SMIM14: variants seen among roughly 807,000 people sequenced by gnomAD.
SMIM14 encodes the protein small integral membrane protein 14, also known as chromosome 4 open reading frame 34.
A neutral mutation model predicts 12.6 loss-of-function variants in SMIM14; 5 were observed. That is an observed-to-expected ratio of 0.40 (90% CI 0.21 to 0.83). The LOEUF is 0.83. SMIM14 is among the 40% of genes least tolerant of loss of function. The pLI is 0.37. For synonymous variants in SMIM14, 30 were observed against 40.1 expected (o/e 0.75, Z 0.95); for missense variants, 86 against 119.1 (o/e 0.72, Z 1.29).
chr4:39,637,527 T>C (rs1716141443), intron 1 of SMIM14, among the ~76,000 whole-genome samples: 1 of 151,348 alleles, frequency 6.6e-6, no homozygotes, highest in East Asian at 2.0e-4. Flanking sequence ...TGTTCTTTCT[T>C]GCTGTTAACC....
chr4:39,632,350 C>T (rs1341846074), intron 1 of SMIM14, among the ~76,000 whole-genome samples: 1 of 151,814 alleles, frequency 6.6e-6, no homozygotes, highest in Non-Finnish European at 1.5e-5. Context: ...CATGGTGGCA[C>T]GCGCCTGTAA....
At chr4:39,601,704 T>C (rs563606834) in intron 2 of SMIM14, among the ~76,000 whole-genome samples, 25 of 152,228 alleles carry the variant, frequency 1.6e-4, no homozygotes, top group Non-Finnish European at 2.6e-4. Flanking sequence ...CCCAACACTT[T>C]GGGAGGCTAA....
At chr4:39,599,454 G>C (rs927423562) in intron 2 of SMIM14, among the ~76,000 whole-genome samples, 1 of 152,112 alleles carries the variant, frequency 6.6e-6, no homozygotes, top group Non-Finnish European at 1.5e-5. Context: ...GGGGGCTTGG[G>C]GGTAGCAAGA....
chr4:39,632,018 A>G (rs929654198), intron 1 of SMIM14, among the ~76,000 whole-genome samples: 20 of 152,228 alleles, frequency 1.3e-4, no homozygotes, highest in Non-Finnish European at 2.9e-5. Context: ...TATCAAATAC[A>G]TATGTAAGCC....
At chr4:39,555,157 G>A (rs1711946278) in intron 4 of SMIM14, among the ~76,000 whole-genome samples, 1 of 150,550 alleles carries the variant, frequency 6.6e-6, no homozygotes, top group Admixed American at 6.6e-5. Context: ...TTTTTAAAGA[G>A]ATAATATTCA....
chr4:39,573,078 TTTATTATTA>T (rs200155307), intron 2 of SMIM14, among the ~76,000 whole-genome samples: 2 of 149,998 alleles, frequency 1.3e-5, no homozygotes, highest in Non-Finnish European at 3.0e-5. Flanking sequence ...TGTTTTGGTT[TTTATTATTA>T]TTATTATTAT....
intron 1 of SMIM14, among the ~76,000 whole-genome samples, chr4:39,625,756 C>T: frequency 6.6e-6 from 1 of 152,152 alleles, no homozygotes. Context: ...TATAATTTTA[C>T]AAGAAAGTGA....
chr4:39,586,635 C>G (rs1347660868), intron 2 of SMIM14, among the ~76,000 whole-genome samples: 1 of 152,094 alleles, frequency 6.6e-6, no homozygotes, highest in Non-Finnish European at 1.5e-5. Flanking sequence ...AACAGTCCCT[C>G]ACAGCAAATA....
At chr4:39,591,960 G>A (rs769541740) in intron 2 of SMIM14, among the ~76,000 whole-genome samples, 2 of 152,114 alleles carry the variant, frequency 1.3e-5, no homozygotes, top group Non-Finnish European at 2.9e-5. Flanking sequence ...TAAGGAGGGT[G>A]GAACAGGAGG....
chr4:39,609,447 G>A (rs1714943467), intron 1 of SMIM14, among the ~76,000 whole-genome samples: 1 of 152,184 alleles, frequency 6.6e-6, no homozygotes, highest in Non-Finnish European at 1.5e-5. Context: ...GAAGGAATGA[G>A]TTAAATACAT....
chr4:39,610,255 G>A (rs1714976514), intron 1 of SMIM14, among the ~76,000 whole-genome samples: 1 of 152,118 alleles, frequency 6.6e-6, no homozygotes, highest in South Asian at 2.1e-4. Context: ...CCAAAGTGCT[G>A]AAATTACAGG....
chr4:39,587,387 C>T (rs1713831954), intron 2 of SMIM14, among the ~76,000 whole-genome samples: 2 of 149,212 alleles, frequency 1.3e-5, no homozygotes, highest in African/African-American at 5.0e-5. Flanking sequence ...GTCCCAGCTA[C>T]TCGGGAGGCT....
chr4:39,598,944 C>T (rs1714487419), intron 2 of SMIM14, among the ~76,000 whole-genome samples: 1 of 151,980 alleles, frequency 6.6e-6, no homozygotes, highest in South Asian at 2.1e-4. Flanking sequence ...CTGGAAGGTA[C>T]TTTGTTTCTC....
intron 2 of SMIM14, among the ~76,000 whole-genome samples, chr4:39,596,812 G>A (rs1367720262): frequency 3.9e-5 from 6 of 152,004 alleles, no homozygotes; most frequent in East Asian, 3.9e-4. Context: ...CATTCTCACC[G>A]TCATCCAGGC....
intron 4 of SMIM14, 68 bp from the exon 5 acceptor site, chr4:39,552,226 A>G: frequency 1.5e-6 from 2 of 1,367,114 alleles, no homozygotes; most frequent in Non-Finnish European, 2.0e-6. Flanking sequence ...AAAATTTATT[A>G]CTTTTTTAAA....
chr4:39,604,944 A>G (rs1279947721), intron 2 of SMIM14, 127 bp downstream of exon 2: 1 of 648,316 alleles, frequency 1.5e-6, no homozygotes, highest in African/African-American at 1.9e-5. Context: ...ACAAATGTGG[A>G]ATTTCAATTA....
intron 1 of SMIM14, among the ~76,000 whole-genome samples, chr4:39,630,245 T>C (rs890232188): frequency 6.6e-6 from 1 of 151,968 alleles, no homozygotes; most frequent in Non-Finnish European, 1.5e-5. Flanking sequence ...AAAACTTTAA[T>C]AATTAGCCAG....
intron 3 of SMIM14, among the ~76,000 whole-genome samples, chr4:39,571,405 G>A (rs995011821): frequency 1.3e-5 from 2 of 151,842 alleles, no homozygotes; most frequent in African/African-American, 4.8e-5. Flanking sequence ...TGGGAAGACC[G>A]TGACTCTACA....
intron 2 of SMIM14, among the ~76,000 whole-genome samples, chr4:39,602,123 C>T (rs143818719): frequency 0.071 from 10,764 of 150,952 alleles, 417 homozygotes; most frequent in Middle Eastern, 0.1. Context: ...GTGGCTGGTG[C>T]CTGTGGTCCC....
Sources: allele counts gnomAD v4.1 joint callset (sites outside exome capture counted in the v4.1 genomes callset), GRCh38; gene constraint gnomAD v4.1.1; transcripts MANE v1.5; gene names NCBI Gene and HGNC (gene_info 2026-07-23, HGNC 2026-07-21).